WWTR1: variants seen among roughly 807,000 people sequenced by gnomAD.
WWTR1 encodes WW domain containing transcription regulator 1, also known as WW domain-containing transcription regulator protein 1.
Under a neutral mutation model 40.1 loss-of-function variants are expected in WWTR1, and 13 were observed. The ratio of observed to expected loss-of-function variants is 0.32; its 90% CI spans 0.21 to 0.52. WWTR1 has a LOEUF of 0.52. WWTR1 is among the 20% of genes least tolerant of loss of function. The pLI is 0.97. For synonymous variants in WWTR1, 230 were observed against 210.1 expected, an observed-to-expected ratio of 1.09 and a Z score of -0.82; for missense variants, 436 against 523.1, an observed-to-expected ratio of 0.83 and a Z score of 1.63.
intron 2 of WWTR1, chr3:149,575,934 G>C (rs893038928): frequency 1.5e-5 from 7 of 456,154 alleles, no homozygotes; most frequent in African/African-American, 8.0e-5. Flanking sequence ...CTGCAGTGCA[G>C]TGGGAGCCTC....
intron 2 of WWTR1, among the ~76,000 whole-genome samples, chr3:149,574,319 C>T (rs925907829): frequency 6.6e-6 from 1 of 152,144 alleles, no homozygotes; most frequent in African/African-American, 2.4e-5. Flanking sequence ...GGATTACAGG[C>T]ACAAGCCACC....
intron 5 of WWTR1, among the ~76,000 whole-genome samples, chr3:149,717,110 C>T (rs1330561576): frequency 6.6e-6 from 1 of 152,044 alleles, no homozygotes; most frequent in African/African-American, 2.4e-5. Context: ...GAGGCTGCAG[C>T]GAGCTGAGAT....
chr3:149,659,230 G>C (rs970540401), upstream of WWTR1: 1 of 151,968 alleles, frequency 6.6e-6, no homozygotes, highest in Non-Finnish European at 1.5e-5. Flanking sequence ...TAAATCAAAC[G>C]AGACAATGTA....
At chr3:149,558,996 A>T (rs1320795503) in intron 3 of WWTR1, among the ~76,000 whole-genome samples, 1 of 152,186 alleles carries the variant, frequency 6.6e-6, no homozygotes, top group African/African-American at 2.4e-5. Context: ...CACTGTGCTT[A>T]TATAAGAAAA....
chr3:149,688,012 G>C (rs1000934350), intron 1 of WWTR1, among the ~76,000 whole-genome samples: 12 of 151,698 alleles, frequency 7.9e-5, no homozygotes, highest in African/African-American at 2.9e-4. Context: ...CATGGGGAGA[G>C]ACTTCTGCTT....
At chr3:149,539,140 C>G (rs1735968148) in intron 4 of WWTR1, among the ~76,000 whole-genome samples, 1 of 152,022 alleles carries the variant, frequency 6.6e-6, no homozygotes, top group Non-Finnish European at 1.5e-5. Context: ...GCAACAAGGA[C>G]CAAGGAGTTG....
chr3:149,530,328 A>G (rs1735509497), intron 4 of WWTR1, among the ~76,000 whole-genome samples: 1 of 148,516 alleles, frequency 6.7e-6, no homozygotes, highest in African/African-American at 2.5e-5. Context: ...AGCCTGGGCG[A>G]CAAAGCGAGA....
chr3:149,686,555 T>TA (rs1714662743), intron 1 of WWTR1, among the ~76,000 whole-genome samples: 1 of 152,084 alleles, frequency 6.6e-6, no homozygotes, highest in African/African-American at 2.4e-5. Flanking sequence ...ATATAAATAA[T>TA]AGAGTGAAGA....
At chr3:149,690,491 A>G (rs1468574586) in intron 1 of WWTR1, among the ~76,000 whole-genome samples, 1 of 152,242 alleles carries the variant, frequency 6.6e-6, no homozygotes, top group Non-Finnish European at 1.5e-5. Flanking sequence ...ATAGATTTCA[A>G]GTCAAAAACT....
rs181963993 is a variant in WWTR1, at chr3:149,533,878, T to C, written c.772-5909A>G. Among the ~76,000 whole-genome samples, 548 of 152,072 alleles carry C rather than the reference T, an allele frequency of 3.6e-3. 2 individuals are homozygous for C. The highest frequency in any genetic ancestry group is 4.4e-3 in the Non-Finnish European group (299 of 67,932). ...TAACAGAACAAGCTGCTGATAGTGTTAAATGGTGTGGGAGGCAGAGATACT... is the reference window on the plus strand; with the variant it reads ...TAACAGAACAAGCTGCTGATAGTGTCAAATGGTGTGGGAGGCAGAGATACT... On this transcript the variant is annotated intron_variant, in intron 4 of 6. Coordinates refer to ENST00000360632, the MANE Select transcript of WWTR1 (RefSeq NM_015472.6).
chr3:149,631,435 A>T (rs1711544960), intron 2 of WWTR1, among the ~76,000 whole-genome samples: 1 of 152,222 alleles, frequency 6.6e-6, no homozygotes, highest in Non-Finnish European at 1.5e-5. Context: ...AGTTTGGATC[A>T]AATTAACATT....
intron 2 of WWTR1, among the ~76,000 whole-genome samples, chr3:149,640,128 T>C (rs1712080384): frequency 1.3e-5 from 2 of 152,212 alleles, no homozygotes; most frequent in South Asian, 4.1e-4. Flanking sequence ...TCACAAGAAT[T>C]GTGCCTACTT....
chr3:149,651,278 ACTT>A (rs1184571892), intron 2 of WWTR1, among the ~76,000 whole-genome samples: 1 of 152,134 alleles, frequency 6.6e-6, no homozygotes, highest in African/African-American at 2.4e-5. Context: ...CCTACAAACC[ACTT>A]CTTAAGAAGT....
rs773670232 is a variant in WWTR1, at chr3:149,527,947, A to C, written c.794T>G (p.Leu265Arg). 6 of 1,614,040 alleles carry C rather than the reference A, an allele frequency of 3.7e-6. No homozygotes were observed. The highest frequency in any genetic ancestry group is 5.1e-6 in the Non-Finnish European group (6 of 1,180,010). The change falls in exon 5 of 7, where the codon CTC (leucine) becomes CGC (arginine). Residue 265 changes from leucine to arginine, a missense_variant. Coordinates refer to ENST00000360632, the MANE Select transcript of WWTR1 (RefSeq NM_015472.6). ...MRQEAALCRQLPMEAETLAPV... is the reference protein window; with the variant it reads ...MRQEAALCRQRPMEAETLAPV... Reference sequence around the variant, plus strand: ...GGCAAGAGTCTCAGCTTCCATGGGGAGCTGTCGACAGAGGGCAGCTTCCTA... The same window carrying C: ...GGCAAGAGTCTCAGCTTCCATGGGGCGCTGTCGACAGAGGGCAGCTTCCTA...
intron 5 of WWTR1, among the ~76,000 whole-genome samples, chr3:149,715,198 C>T (rs966384870): frequency 1.3e-5 from 2 of 152,218 alleles, no homozygotes; most frequent in African/African-American, 4.8e-5. Flanking sequence ...AAACATGCCC[C>T]TTGTCCACCA....
chr3:149,708,525 T>A (rs1426696719), intron 5 of WWTR1, among the ~76,000 whole-genome samples: 2 of 152,204 alleles, frequency 1.3e-5, no homozygotes, highest in Non-Finnish European at 2.9e-5. Context: ...TTTCTCTTTC[T>A]ATGAATTTGA....
At chr3:149,521,122 T>C in intron 6 of WWTR1, 133 bp from the exon 7 acceptor site, 1 of 1,077,914 alleles carries the variant, frequency 9.3e-7, no homozygotes, top group Non-Finnish European at 1.3e-6. Context: ...TCATAAGAGG[T>C]ACAGAGATGT....
chr3:149,667,749 C>T lies in WWTR1; in HGVS notation c.-4+2039G>A, dbSNP rs536683703. On this transcript the variant is annotated intron_variant, in intron 2 of 7. Coordinates refer to the WWTR1 transcript ENST00000465804. ...GACTACATGGGCACTAACCCAGTGG[C>T]TGCACGTTGTAGTTCTACTGAGTCA... is the stretch of plus-strand genomic sequence containing the variant. Among the ~76,000 whole-genome samples the T allele has an allele frequency of 3.9e-5, 6 of 152,188 alleles. 1 individual carries two copies. The South Asian group carries it at 1.2e-3, about 32-fold the overall frequency.
intron 2 of WWTR1, among the ~76,000 whole-genome samples, chr3:149,635,492 T>C (rs1711768415): frequency 7.0e-6 from 1 of 142,098 alleles, no homozygotes; most frequent in South Asian, 2.2e-4. Flanking sequence ...GTACAATATA[T>C]AGAAGGAGAA....
Sources: allele counts gnomAD v4.1 joint callset (sites outside exome capture counted in the v4.1 genomes callset), GRCh38; gene constraint gnomAD v4.1.1; transcripts MANE v1.5; gene names NCBI Gene and HGNC (gene_info 2026-07-23, HGNC 2026-07-21).